Variants in TRHDE observed in about 807,000 individuals in gnomAD.
TRHDE encodes the protein thyrotropin-releasing hormone-degrading ectoenzyme.
In TRHDE, 72 loss-of-function variants were observed where a neutral mutation model predicts 125.7. The observed-to-expected ratio is 0.57, with a 90% confidence interval of 0.47 to 0.70. TRHDE has a LOEUF of 0.70. TRHDE is among the 30% of genes least tolerant of loss of function. The pLI is 0.00. For synonymous variants in TRHDE, 509 were observed against 509.1 expected (o/e 1.00, Z 0.00); for missense variants, 1,110 against 1,327.1 (o/e 0.84, Z 2.54).
At chr12:72,450,572 C>T (rs1875521299) in intron 3 of TRHDE, among the ~76,000 whole-genome samples, 1 of 152,054 alleles carries the variant, frequency 6.6e-6, no homozygotes, top group African/African-American at 2.4e-5. Context: ...TAGTACATTG[C>T]TATTAACCAT....
intron 12 of TRHDE, among the ~76,000 whole-genome samples, chr12:72,589,404 G>A (rs564755905): frequency 2.0e-5 from 3 of 151,894 alleles, no homozygotes. Flanking sequence ...TTGTTACATA[G>A]GTATACATGT....
At chr12:72,471,809 T>A (rs1876662078) in intron 4 of TRHDE, among the ~76,000 whole-genome samples, 1 of 152,222 alleles carries the variant, frequency 6.6e-6, no homozygotes, top group South Asian at 2.1e-4. Context: ...CTATTGAAAC[T>A]GTCAGCCAAG....
intron 2 of TRHDE, chr12:72,254,223 C>A (rs1052151346): frequency 6.6e-6 from 1 of 152,110 alleles, no homozygotes; most frequent in Non-Finnish European, 1.5e-5. Flanking sequence ...CTCATTTTCA[C>A]TATTTTTAAC....
At chr12:72,559,651 T>A (rs1870083077) in intron 7 of TRHDE, among the ~76,000 whole-genome samples, 1 of 152,202 alleles carries the variant, frequency 6.6e-6, no homozygotes, top group African/African-American at 2.4e-5. Flanking sequence ...ATTAAAACAT[T>A]CTTCTATTTT....
intron 2 of TRHDE, among the ~76,000 whole-genome samples, chr12:72,155,231 G>T (rs966800127): frequency 6.6e-6 from 1 of 152,084 alleles, no homozygotes; most frequent in Non-Finnish European, 1.5e-5. Flanking sequence ...TTGTGCCTTG[G>T]TTTTCAGCTC....
intron 3 of TRHDE, among the ~76,000 whole-genome samples, chr12:72,401,439 A>G (rs989822834): frequency 3.9e-5 from 6 of 152,182 alleles, no homozygotes; most frequent in African/African-American, 1.4e-4. Context: ...CAAGTGGAAA[A>G]GTTAAGGTTT....
chr12:72,154,870 T>A (rs1341379335), intron 2 of TRHDE, among the ~76,000 whole-genome samples: 1 of 152,216 alleles, frequency 6.6e-6, no homozygotes, highest in Non-Finnish European at 1.5e-5. Flanking sequence ...CAATTATGTG[T>A]CTTGGAGTTG....
intron 5 of TRHDE, among the ~76,000 whole-genome samples, chr12:72,479,357 A>G (rs1001920375): frequency 6.6e-6 from 1 of 152,120 alleles, no homozygotes; most frequent in Non-Finnish European, 1.5e-5. Flanking sequence ...TCAATGTTAT[A>G]AAGATGTGTT....
At chr12:72,240,475 G>A (rs1311627636) in intron 2 of TRHDE, among the ~76,000 whole-genome samples, 3 of 151,684 alleles carry the variant, frequency 2.0e-5, no homozygotes, top group Non-Finnish European at 2.9e-5. Flanking sequence ...GCATAATAAC[G>A]ATCAGATAGT....
upstream of TRHDE, among the ~76,000 whole-genome samples, chr12:72,271,285 T>G (rs1339574802): frequency 6.6e-6 from 1 of 152,180 alleles, no homozygotes; most frequent in Non-Finnish European, 1.5e-5. Flanking sequence ...TTTGGAGAAT[T>G]TATTTCAATT....
intron 15 of TRHDE, among the ~76,000 whole-genome samples, chr12:72,637,140 T>C (rs1222998124): frequency 6.6e-6 from 1 of 152,122 alleles, no homozygotes; most frequent in African/African-American, 2.4e-5. Context: ...TCCCGGACTC[T>C]TTTTGGTTGG....
intron 12 of TRHDE, among the ~76,000 whole-genome samples, chr12:72,612,967 T>C (rs2136070899): frequency 6.6e-6 from 1 of 152,288 alleles, no homozygotes; most frequent in South Asian, 2.1e-4. Flanking sequence ...GAAGAAATGC[T>C]GGATGCAATG....
intron 1 of TRHDE, among the ~76,000 whole-genome samples, chr12:72,097,407 C>T (rs1381922781): frequency 6.8e-6 from 1 of 147,314 alleles, no homozygotes; most frequent in African/African-American, 2.5e-5. Context: ...ATGTTTAGTC[C>T]CTCCTTACCT....
chr12:72,530,813 C>T lies in TRHDE; in HGVS notation c.1723-11478C>T, dbSNP rs374023232. On this transcript the variant is annotated intron_variant, in intron 6 of 18. Coordinates refer to ENST00000261180, the MANE Select transcript of TRHDE (RefSeq NM_013381.3). Reference sequence around the variant, plus strand: ...TTCTCCAGCACACTCTATCCCCTAACCCTGCTTTATTTATTTTCAAAGCAA... The same window carrying T: ...TTCTCCAGCACACTCTATCCCCTAATCCTGCTTTATTTATTTTCAAAGCAA... Among the ~76,000 whole-genome samples the T allele has an allele frequency of 3.9e-5, 6 of 151,904 alleles. No homozygotes were observed. The East Asian group carries it at 9.7e-4, about 24-fold the overall frequency.
intron 2 of TRHDE, chr12:72,262,424 A>C (rs568794619): frequency 6.6e-6 from 1 of 152,308 alleles, no homozygotes; most frequent in South Asian, 2.1e-4. Context: ...TTCTATAATC[A>C]TAGTGTTAAA....
At chr12:72,313,354 G>A (rs1868640112) in intron 2 of TRHDE, among the ~76,000 whole-genome samples, 1 of 150,642 alleles carries the variant, frequency 6.6e-6, no homozygotes, top group Non-Finnish European at 1.5e-5. Context: ...TTTCCTTTTG[G>A]CCTTCTATTT....
chr12:72,622,762 T>C (rs902547796), intron 15 of TRHDE, among the ~76,000 whole-genome samples: 3 of 152,192 alleles, frequency 2.0e-5, no homozygotes, highest in African/African-American at 7.2e-5. Context: ...ACTGACTAGA[T>C]CAAAGAGTAA....
intron 3 of TRHDE, among the ~76,000 whole-genome samples, chr12:72,464,453 A>G (rs1201202083): frequency 6.6e-6 from 1 of 152,148 alleles, no homozygotes; most frequent in Non-Finnish European, 1.5e-5. Context: ...GGAGGGGATG[A>G]ATGTTGTATC....
chr12:72,622,308 C>A (rs1873085663), intron 15 of TRHDE, among the ~76,000 whole-genome samples: 1 of 151,776 alleles, frequency 6.6e-6, no homozygotes, highest in Non-Finnish European at 1.5e-5. Context: ...AATTAAATTA[C>A]TTTTAAGGAA....
Sources: gnomAD v4.1 joint callset for allele counts (sites outside exome capture counted in the v4.1 genomes callset) on GRCh38, gnomAD v4.1.1 for gene constraint, MANE v1.5 for transcripts, NCBI Gene and HGNC (gene_info 2026-07-23, HGNC 2026-07-21) for gene names.